SDK1: variants seen among roughly 807,000 people sequenced by gnomAD.
The protein encoded by SDK1 is protein sidekick-1.
In SDK1, 157 loss-of-function variants were observed where a neutral mutation model predicts 245.5. That is an observed-to-expected ratio of 0.64 (90% confidence interval 0.56 to 0.73). SDK1 has a LOEUF of 0.73. Ranked by LOEUF, SDK1 falls within the 30% of genes least tolerant of loss-of-function variation. The pLI, the probability that SDK1 is intolerant of heterozygous loss-of-function variation, is 0.00. For synonymous variants in SDK1, 1,647 were observed against 1,278.5 expected, an observed-to-expected ratio of 1.29 and a Z score of -6.15; for missense variants, 3,583 against 3,002.3, an observed-to-expected ratio of 1.19 and a Z score of -4.52.
intron 1 of SDK1, among the ~76,000 whole-genome samples, chr7:3,547,760 G>T (rs1457207917): frequency 3.9e-5 from 6 of 152,120 alleles, no homozygotes; most frequent in Non-Finnish European, 7.4e-5. Context: ...ATGGAAAACT[G>T]GCTGTTAGCT....
At chr7:4,264,189 C>T (rs1317612486) in intron 44 of SDK1, among the ~76,000 whole-genome samples, 1 of 91,108 alleles carries the variant, frequency 1.1e-5, no homozygotes, top group Non-Finnish European at 2.2e-5. Flanking sequence ...GGGGAGGCCG[C>T]GTAGACCTCT....
chr7:3,589,467 A>T (rs184252889), intron 1 of SDK1, among the ~76,000 whole-genome samples: 73 of 152,210 alleles, frequency 4.8e-4, no homozygotes, highest in Admixed American at 4.8e-3. Context: ...GTATATTACT[A>T]TTGGCTGCTG....
At chr7:3,460,855 T>G (rs1301365651) in intron 1 of SDK1, among the ~76,000 whole-genome samples, 1 of 152,200 alleles carries the variant, frequency 6.6e-6, no homozygotes, top group African/African-American at 2.4e-5. Flanking sequence ...GCTCTGTTTC[T>G]TGTCATTTGG....
chr7:3,535,419 A>T (rs1219499555), intron 1 of SDK1, among the ~76,000 whole-genome samples: 1 of 152,130 alleles, frequency 6.6e-6, no homozygotes, highest in Non-Finnish European at 1.5e-5. Flanking sequence ...TCTTATCCCT[A>T]ATGCCAACAA....
intron 5 of SDK1, among the ~76,000 whole-genome samples, chr7:3,822,046 AC>A (rs796460303): frequency 9.2e-5 from 14 of 152,354 alleles, no homozygotes; most frequent in African/African-American, 2.6e-4. Flanking sequence ...CATTTTTTCC[AC>A]CTAATTTAAC....
At chr7:4,082,766 G>A (rs560421213) in intron 22 of SDK1, among the ~76,000 whole-genome samples, 13 of 152,050 alleles carry the variant, frequency 8.5e-5, no homozygotes, top group South Asian at 2.1e-4. Context: ...GACCACAGGC[G>A]TGTGCCACCA....
chr7:3,330,682 C>A (rs768924532), intron 1 of SDK1, among the ~76,000 whole-genome samples: 1 of 151,870 alleles, frequency 6.6e-6, no homozygotes, highest in Non-Finnish European at 1.5e-5. Flanking sequence ...TATGAATTAC[C>A]CAGTCTAGGG....
intron 1 of SDK1, among the ~76,000 whole-genome samples, chr7:3,496,401 T>C (rs903464570): frequency 7.2e-5 from 11 of 152,354 alleles, no homozygotes; most frequent in African/African-American, 2.4e-4. Flanking sequence ...TTCTTTTTAT[T>C]CTTTATAGAT....
At chr7:3,707,059 G>T (rs918155097) in intron 4 of SDK1, among the ~76,000 whole-genome samples, 1 of 151,918 alleles carries the variant, frequency 6.6e-6, no homozygotes, top group African/African-American at 2.4e-5. Context: ...ATTTCATTTT[G>T]CTCTGGATCT....
intron 4 of SDK1, among the ~76,000 whole-genome samples, chr7:3,750,113 C>G (rs1779733105): frequency 1.3e-5 from 2 of 152,202 alleles, no homozygotes; most frequent in South Asian, 4.1e-4. Context: ...AAATGTTTCA[C>G]TCTGAATGTT....
rs1007992684 is a variant in SDK1 at position 4,208,368 on chromosome 7, G to A, written c.5401+83G>A. On this transcript the variant is annotated intron_variant, in intron 37 of 44. Transcript: ENST00000404826. ...GCCAGCTCAGGTCCCCTCACACAGTGGTTCCCGGCCCGCCCAGGCGGAAGG... is the reference window on the plus strand; with the variant it reads ...GCCAGCTCAGGTCCCCTCACACAGTAGTTCCCGGCCCGCCCAGGCGGAAGG... 46 of 1,318,396 alleles carry A rather than the reference G, an allele frequency of 3.5e-5. No individual in the cohort carries two copies. In the Admixed American group the frequency reaches 6.2e-4, roughly 18 times the overall value. 81.7% of individuals were successfully genotyped at this position (1,318,396 alleles called of 1,614,324 possible).
At chr7:3,338,368 C>A in intron 1 of SDK1, 2 of 518,830 alleles carry the variant, frequency 3.9e-6, no homozygotes, top group Non-Finnish European at 7.3e-6. Flanking sequence ...GGTCAGGGCA[C>A]GACTCTTGCC....
chr7:3,666,961 AT>A (rs1562642737), intron 4 of SDK1, among the ~76,000 whole-genome samples: 2 of 151,648 alleles, frequency 1.3e-5, no homozygotes, highest in Admixed American at 6.6e-5. Flanking sequence ...TGAGTTTTTT[AT>A]TTACTTTTTT....
intron 1 of SDK1, among the ~76,000 whole-genome samples, chr7:3,468,426 A>T (rs544451592): frequency 6.6e-6 from 1 of 152,222 alleles, no homozygotes; most frequent in African/African-American, 2.4e-5. Context: ...GAATCTACCC[A>T]TAGAAACTAG....
intron 35 of SDK1, among the ~76,000 whole-genome samples, chr7:4,200,192 G>A (rs1457914954): frequency 2.0e-5 from 3 of 152,188 alleles, no homozygotes; most frequent in Non-Finnish European, 2.9e-5. Context: ...GTAAAGACAT[G>A]TGGACCCTGA....
At chr7:3,783,963 TATAGTA>T (rs1780825747) in intron 4 of SDK1, among the ~76,000 whole-genome samples, 1 of 151,496 alleles carries the variant, frequency 6.6e-6, no homozygotes, top group African/African-American at 2.5e-5. Context: ...ACTACAGAGC[TATAGTA>T]ATTAAAACAG....
At chr7:4,034,040 C>G (rs939809045) in intron 17 of SDK1, among the ~76,000 whole-genome samples, 5 of 152,190 alleles carry the variant, frequency 3.3e-5, no homozygotes, top group African/African-American at 1.2e-4. Context: ...TGGGGCACCT[C>G]AGAACTGTGT....
intron 1 of SDK1, among the ~76,000 whole-genome samples, chr7:3,306,389 C>A (rs1473503816): frequency 6.6e-6 from 1 of 152,060 alleles, no homozygotes; most frequent in Non-Finnish European, 1.5e-5. Context: ...AGAGATTAGA[C>A]CACCCCAGAA....
At chr7:3,646,460 A>G (rs1003585128) in intron 4 of SDK1, among the ~76,000 whole-genome samples, 1 of 152,148 alleles carries the variant, frequency 6.6e-6, no homozygotes, top group African/African-American at 2.4e-5. Context: ...AATCCTCACA[A>G]TTGCCTTCTG....
Sources: allele counts gnomAD v4.1 joint callset (sites outside exome capture counted in the v4.1 genomes callset), GRCh38; gene constraint gnomAD v4.1.1; transcripts MANE v1.5; gene names NCBI Gene and HGNC (gene_info 2026-07-23, HGNC 2026-07-21).